Variants in PRKDC observed in about 807,000 individuals in gnomAD.
PRKDC encodes DNA-dependent protein kinase catalytic subunit.
Under a neutral mutation model 486.9 loss-of-function variants are expected in PRKDC, and 82 were observed. The observed-to-expected ratio is 0.17, with a 90% CI of 0.14 to 0.20. PRKDC has a LOEUF of 0.20. Among genes scored for constraint, PRKDC ranks in the 10% least tolerant of loss-of-function variants. The probability of loss-of-function intolerance (pLI) is 1.00; values close to 1 mark genes in which losing one functional copy is unlikely to be tolerated. For synonymous variants in PRKDC, 1,895 were observed against 1,837.0 expected (o/e 1.03, Z -0.81); for missense variants, 4,504 against 5,038.2 (o/e 0.89, Z 3.21).
chr8:47,856,543 T>C (rs928333558), intron 49 of PRKDC, among the ~76,000 whole-genome samples: 1 of 152,152 alleles, frequency 6.6e-6, no homozygotes, highest in African/African-American at 2.4e-5. Context: ...CATGTGTATA[T>C]TATATTTAAT....
chr8:47,850,896 G>T (rs757940190), intron 52 of PRKDC, among the ~76,000 whole-genome samples: 1 of 152,128 alleles, frequency 6.6e-6, no homozygotes, highest in Non-Finnish European at 1.5e-5. Context: ...TCCAACCTCT[G>T]CCTCCCAGGT....
rs367584015 is a variant in PRKDC, at chr8:47,863,581, C to T, written c.5572-4G>A. The stretch of plus-strand genomic sequence containing the variant: ...TATCAAAGGTAGATTCATTTAGCTT[C>T]AAAAAGGTAAAAAATAATTATCTTT... On this transcript the variant is annotated splice_region_variant and splice_polypyrimidine_tract_variant and intron_variant, in intron 41 of 85. Coordinates refer to ENST00000314191, the MANE Select transcript of PRKDC (RefSeq NM_006904.7). The T allele has an allele frequency of 1.7e-4, 278 of 1,596,578 alleles. No individual in the cohort carries two copies. Among genetic ancestry groups the T allele is most frequent in the Admixed American group, 6.7e-4 (39 of 58,086 alleles).
chr8:47,923,003 C>G (rs1297797277), intron 21 of PRKDC, among the ~76,000 whole-genome samples: 1 of 151,662 alleles, frequency 6.6e-6, no homozygotes, highest in Non-Finnish European at 1.5e-5. Flanking sequence ...GTCACTTAAT[C>G]TTGAAAAGTT....
At chr8:47,902,868 C>A in intron 26 of PRKDC, 73 bp from the exon 27 acceptor site, 1 of 1,162,720 alleles carries the variant, frequency 8.6e-7, no homozygotes, top group Non-Finnish European at 1.2e-6. Flanking sequence ...CTTGGTCTAT[C>A]TCTGAGCATA....
chr8:47,868,210 T>C (rs2088861295), intron 40 of PRKDC, among the ~76,000 whole-genome samples: 1 of 152,146 alleles, frequency 6.6e-6, no homozygotes, highest in Admixed American at 6.6e-5. Flanking sequence ...TGGGAAGTAT[T>C]CCTTCCTCCT....
rs552485325 is a variant in PRKDC, at chr8:47,801,039, T to C, written c.9923-53A>G. The C allele has an allele frequency of 1.5e-4, 220 of 1,502,860 alleles. 1 individual carries two copies. In the African/African-American group the frequency reaches 2.7e-3, roughly 18 times the overall value. The allele number at this position is 1,502,860 out of a possible 1,614,324, so 93.1% of individuals were successfully genotyped here. On this transcript the variant is annotated intron_variant, in intron 70 of 85. Coordinates refer to ENST00000314191, the MANE Select transcript of PRKDC (RefSeq NM_006904.7). Reference sequence around the variant, plus strand: ...CAAAATTTTGTATGTGTGTGTGGAATTAAAAAGAAGAAATTCATTGTCTAT... The same window carrying C: ...CAAAATTTTGTATGTGTGTGTGGAACTAAAAAGAAGAAATTCATTGTCTAT...
chr8:47,865,259 G>A (rs980876799), intron 40 of PRKDC, among the ~76,000 whole-genome samples: 3 of 151,944 alleles, frequency 2.0e-5, no homozygotes, highest in East Asian at 1.9e-4. Context: ...GGTGGTGTGC[G>A]CCTCTAGTCC....
chr8:47,932,259 A>G (rs2090270433), intron 16 of PRKDC, among the ~76,000 whole-genome samples: 1 of 151,914 alleles, frequency 6.6e-6, no homozygotes, highest in Non-Finnish European at 1.5e-5. Context: ...AATTTTTTGT[A>G]TTTTTAGTAG....
In PRKDC at chr8:47,927,309, T is replaced by C. The variant is rs1277761152; in HGVS notation, c.2304A>G (p.Val768=). Residue 768 remains valine, a synonymous_variant, in exon 21 of 86, where the codon GTA becomes GTG. Transcript: ENST00000314191. The part of the protein sequence containing the change: ...LGLSYTPLAE[V]GLNALEEWSI... ...ACCATTCTTCTAGAGCATTCAGGCCTACTTCTGCCAAGGGGGTATAGCTCA... is the reference window on the plus strand; with the variant it reads ...ACCATTCTTCTAGAGCATTCAGGCCCACTTCTGCCAAGGGGGTATAGCTCA... 1.2e-6 allele frequency: 2 copies of C among 1,613,662 alleles called. No homozygotes were observed. Among genetic ancestry groups the C allele is most frequent in the Non-Finnish European group, 1.7e-6 (2 of 1,179,746 alleles).
chr8:47,937,790 C>T (rs1361038997), intron 11 of PRKDC, among the ~76,000 whole-genome samples: 9 of 152,074 alleles, frequency 5.9e-5, no homozygotes, highest in South Asian at 2.1e-4. Context: ...TATTTAAAGT[C>T]GCCAACAGAG....
intron 68 of PRKDC, among the ~76,000 whole-genome samples, chr8:47,809,901 T>G (rs954761595): frequency 4.6e-5 from 7 of 152,174 alleles, no homozygotes; most frequent in Non-Finnish European, 8.8e-5. Context: ...GTGGTGGCAA[T>G]GTGACTGAGA....
intron 19 of PRKDC, 132 bp downstream of exon 19, chr8:47,928,960 G>T: frequency 1.4e-6 from 1 of 717,000 alleles, no homozygotes. Context: ...AAAGTGCTGG[G>T]ATTAAGGGCA....
At position 47,868,885 on chromosome 8, in the gene PRKDC, G is replaced by A. The variant is rs765856047; in HGVS notation, c.5364-4122C>T. 1.6e-4 allele frequency among the ~76,000 whole-genome samples: 25 copies of A among 152,170 alleles called. 1 individual carries two copies. The highest frequency in any genetic ancestry group is 1.2e-4 in the Non-Finnish European group (8 of 68,038). The stretch of plus-strand genomic sequence containing the variant: ...CTTGGGGGAGGAAAAGCACAGTGAC[G>A]GGGCACTTTGCATTGGAACTCAGCG... On this transcript the variant is annotated intron_variant, in intron 40 of 85. Transcript: ENST00000314191.
intron 68 of PRKDC, among the ~76,000 whole-genome samples, chr8:47,814,425 CTA>C (rs1192827776): frequency 6.6e-6 from 1 of 152,094 alleles, no homozygotes; most frequent in Admixed American, 6.5e-5. Flanking sequence ...AAAGGTGGCT[CTA>C]TCGGCAGATG....
At chr8:47,794,711 TG>T (rs1394067635) in intron 73 of PRKDC, among the ~76,000 whole-genome samples, 3 of 152,226 alleles carry the variant, frequency 2.0e-5, no homozygotes, top group Non-Finnish European at 4.4e-5. Flanking sequence ...GTTGCAAGAA[TG>T]GAATCACACG....
chr8:47,780,855 T>C (rs1161465082), intron 80 of PRKDC, among the ~76,000 whole-genome samples: 2 of 152,078 alleles, frequency 1.3e-5, no homozygotes, highest in East Asian at 3.9e-4. Flanking sequence ...GGAGAATTGC[T>C]GGAACCCGGG....
chr8:47,921,220 G>A (rs141758717), intron 21 of PRKDC, among the ~76,000 whole-genome samples: 19,992 of 151,214 alleles, frequency 0.13, 2,140 homozygotes, highest in African/African-American at 0.27. Context: ...ACGCCACTGC[G>A]CTCCAGCCTG....
rs568187363 is a variant in PRKDC, at chr8:47,932,240, T to C, written c.1776+780A>G. On this transcript the variant is annotated intron_variant, in intron 16 of 85. Transcript: ENST00000314191. ...CTGGGACTACAGGCGCCCGCCACCATGCCTGGCTAATTTTTTGTATTTTTA... is the reference window on the plus strand; with the variant it reads ...CTGGGACTACAGGCGCCCGCCACCACGCCTGGCTAATTTTTTGTATTTTTA... 3.9e-5 allele frequency among the ~76,000 whole-genome samples: 6 copies of C among 152,170 alleles called. No individual in the cohort carries two copies. In the South Asian group the frequency reaches 1.2e-3, roughly 32 times the overall value.
intron 36 of PRKDC, 34 bp from the exon 37 acceptor site, chr8:47,882,131 C>G: frequency 6.4e-7 from 1 of 1,569,788 alleles, no homozygotes; most frequent in Non-Finnish European, 8.6e-7. Context: ...AAGAAAAATT[C>G]TTAATTTTGA....
Sources: allele counts gnomAD v4.1 joint callset (sites outside exome capture counted in the v4.1 genomes callset), GRCh38; gene constraint gnomAD v4.1.1; transcripts MANE v1.5; gene names NCBI Gene and HGNC (gene_info 2026-07-23, HGNC 2026-07-21).